RRM2: variants seen among roughly 807,000 people sequenced by gnomAD.
RRM2 encodes ribonucleoside-diphosphate reductase subunit M2.
In RRM2, 6 loss-of-function variants were observed where a neutral mutation model predicts 45.9. That is an observed-to-expected ratio of 0.13 (90% CI 0.07 to 0.26). The LOEUF (loss-of-function observed/expected upper bound fraction) is 0.26. Ranked by LOEUF, RRM2 falls within the 10% of genes least tolerant of loss-of-function variation. RRM2 has a pLI of 1.00. For missense variants in RRM2, 343 were observed against 489.5 expected, an observed-to-expected ratio of 0.70 and a Z score of 2.82; for synonymous variants, 177 against 173.0, an observed-to-expected ratio of 1.02 and a Z score of -0.18.
intron 3 of RRM2, among the ~76,000 whole-genome samples, chr2:10,180,669 T>C (rs1664026811): frequency 1.3e-5 from 2 of 152,320 alleles, no homozygotes; most frequent in South Asian, 2.1e-4. Context: ...TCTCCATCCT[T>C]TAGGGCTTAG....
At chr2:10,162,888 G>A (rs543313416) in intron 3 of RRM2, among the ~76,000 whole-genome samples, 24 of 152,296 alleles carry the variant, frequency 1.6e-4, no homozygotes, top group African/African-American at 5.3e-4. Flanking sequence ...CTGCAGGGGC[G>A]GGGACCCCCG....
chr2:10,202,499 C>A (rs1664585906), intron 3 of RRM2, among the ~76,000 whole-genome samples: 1 of 152,220 alleles, frequency 6.6e-6, no homozygotes, highest in Non-Finnish European at 1.5e-5. Context: ...GGGGCACTCT[C>A]TCTTATAGAC....
At chr2:10,203,761 A>ATACG (rs1318879692) in intron 3 of RRM2, among the ~76,000 whole-genome samples, 1 of 40,042 alleles carries the variant, frequency 2.5e-5, no homozygotes, top group Non-Finnish European at 6.7e-5. Context: ...ACAAAAATAA[A>ATACG]TACATACATA....
chr2:10,125,067 T>C (rs908229557), intron 5 of RRM2, among the ~76,000 whole-genome samples: 3 of 152,228 alleles, frequency 2.0e-5, no homozygotes, highest in Non-Finnish European at 4.4e-5. Context: ...AAGTTGGATG[T>C]CTACCAATGT....
At chr2:10,199,641 G>A (rs77232389) in intron 3 of RRM2, among the ~76,000 whole-genome samples, 4,576 of 151,810 alleles carry the variant, frequency 0.03, 92 homozygotes, top group East Asian at 0.096. Context: ...TTAGCTGGGT[G>A]TGGTGGCGGG....
chr2:10,209,013 C>A (rs1664710525), intron 3 of RRM2, among the ~76,000 whole-genome samples: 2 of 148,848 alleles, frequency 1.3e-5, no homozygotes, highest in South Asian at 4.3e-4. Context: ...CCAGTCAGTC[C>A]CTGCTGCAGA....
intron 3 of RRM2, among the ~76,000 whole-genome samples, chr2:10,159,624 G>A (rs927474009): frequency 6.6e-5 from 10 of 152,232 alleles, no homozygotes; most frequent in African/African-American, 2.4e-4. Context: ...GATGACTGAG[G>A]TTTAGGCGTC....
chr2:10,172,383 G>A lies in RRM2; in HGVS notation n.482+30008G>A, dbSNP rs898971070. ...CGGAGGGACCAGGGGAGGGGCGGACGGAGGACACTGCTTCTGCAGCGCTCC... is the reference window on the plus strand; with the variant it reads ...CGGAGGGACCAGGGGAGGGGCGGACAGAGGACACTGCTTCTGCAGCGCTCC... On this transcript the variant is annotated intron_variant and non_coding_transcript_variant, in intron 3 of 3. Coordinates refer to the RRM2 transcript ENST00000381786. This position sits in a 1 kb window ranked among gnomAD's most constrained non-coding sequence, Gnocchi z 4.9. 6.6e-6 allele frequency among the ~76,000 whole-genome samples: 1 copy of A among 152,072 alleles called. No individual in the cohort carries two copies. Among genetic ancestry groups the A allele is most frequent in the Non-Finnish European group, 1.5e-5 (1 of 68,002 alleles).
rs905102827 is a variant in RRM2 at position 10,172,446 on chromosome 2, C to T, written n.482+30071C>T. Among the ~76,000 whole-genome samples, 6 of 152,092 alleles carry T rather than the reference C, an allele frequency of 3.9e-5. No individual in the cohort carries two copies. Among genetic ancestry groups the T allele is most frequent in the African/African-American group, 1.4e-4 (6 of 41,412 alleles). On this transcript the variant is annotated intron_variant and non_coding_transcript_variant, in intron 3 of 3. Coordinates refer to the RRM2 transcript ENST00000381786. The surrounding 1 kb of genome is among the most constrained non-coding windows in gnomAD (Gnocchi z 4.9). Reference sequence around the variant, plus strand: ...GTGATTTATAGGAAGCTGGCTCAACCGAGAGCTGAGGGAAGACGGTGAAGG... The same window carrying T: ...GTGATTTATAGGAAGCTGGCTCAACTGAGAGCTGAGGGAAGACGGTGAAGG...
intron 3 of RRM2, chr2:10,145,730 G>A (rs890568523): frequency 2.0e-5 from 3 of 152,186 alleles, no homozygotes; most frequent in African/African-American, 7.2e-5. Context: ...CAGCAAGAGG[G>A]GTCCTGTCAT....
At chr2:10,128,999 C>T in intron 8 of RRM2, 42 bp from the exon 9 acceptor site, 1 of 1,609,270 alleles carries the variant, frequency 6.2e-7, no homozygotes, top group Non-Finnish European at 8.5e-7. Flanking sequence ...TAGAAAATGC[C>T]TGTGCTTTAG....
chr2:10,143,784 C>CA (rs1363109471), intron 3 of RRM2, among the ~76,000 whole-genome samples: 1 of 152,176 alleles, frequency 6.6e-6, no homozygotes, highest in Non-Finnish European at 1.5e-5. Context: ...TCTCCTGCCT[C>CA]AGCCTCTCGA....
At chr2:10,148,790 G>A (rs1419952984) in intron 3 of RRM2, among the ~76,000 whole-genome samples, 1 of 152,134 alleles carries the variant, frequency 6.6e-6, no homozygotes, top group Admixed American at 6.6e-5. Context: ...TTTCTTGAAT[G>A]ATATCTTTAA....
chr2:10,138,852 A>G (rs909692072), upstream of RRM2, among the ~76,000 whole-genome samples: 2 of 151,970 alleles, frequency 1.3e-5, no homozygotes, highest in African/African-American at 4.8e-5. Flanking sequence ...TCACGCCTGT[A>G]ATCCCAACAC....
intron 3 of RRM2, among the ~76,000 whole-genome samples, chr2:10,184,091 T>TA (rs60421650): frequency 0.33 from 9,997 of 30,446 alleles, 3,028 homozygotes; most frequent in East Asian, 0.56. Context: ...AGACTCCATC[T>TA]AAAAAAAAAA....
chr2:10,207,674 C>T (rs908827114), intron 3 of RRM2, among the ~76,000 whole-genome samples: 3 of 152,076 alleles, frequency 2.0e-5, no homozygotes, highest in Non-Finnish European at 2.9e-5. Context: ...TGACACTCAT[C>T]GTTTAGTGCA....
At position 10,205,365 on chromosome 2, in the gene RRM2, C is replaced by G. The variant is rs1324125032; in HGVS notation, n.483-4946C>G. Among the ~76,000 whole-genome samples, 2 of 152,208 alleles carry G rather than the reference C, an allele frequency of 1.3e-5. No homozygotes were observed. The highest frequency in any genetic ancestry group is 2.9e-5 in the Non-Finnish European group (2 of 68,042). Reference sequence around the variant, plus strand: ...CCCCAGGTCAGAACACATTTTGGGGCAGAACCGAGTTTTCTCTTCACTTTC... The same window carrying G: ...CCCCAGGTCAGAACACATTTTGGGGGAGAACCGAGTTTTCTCTTCACTTTC... On this transcript the variant is annotated intron_variant and non_coding_transcript_variant, in intron 3 of 3. Coordinates refer to the RRM2 transcript ENST00000381786. The surrounding 1 kb of genome is among the most constrained non-coding windows in gnomAD (Gnocchi z 4.8).
At chr2:10,193,799 C>T (rs796588783) in intron 3 of RRM2, among the ~76,000 whole-genome samples, 14 of 152,274 alleles carry the variant, frequency 9.2e-5, no homozygotes, top group African/African-American at 3.1e-4. Flanking sequence ...CCCTCTTCAC[C>T]CTGGGGATGG....
At chr2:10,134,016 T>C (rs1031796788), downstream of RRM2, among the ~76,000 whole-genome samples, 5 of 151,936 alleles carry the variant, frequency 3.3e-5, no homozygotes, top group South Asian at 4.2e-4. Flanking sequence ...CCATCTCTAC[T>C]AAAAATACAA....
Sources: allele counts gnomAD v4.1 joint callset (sites outside exome capture counted in the v4.1 genomes callset), GRCh38; gene constraint gnomAD v4.1.1; non-coding constraint Gnocchi (gnomAD v3.1); transcripts MANE v1.5; gene names NCBI Gene and HGNC (gene_info 2026-07-23, HGNC 2026-07-21).